The following ZBTB20 variants were observed in gnomAD, a reference collection of about 807,000 sequenced individuals.
ZBTB20 encodes zinc finger and BTB domain containing 20, also known as zinc finger and BTB domain-containing protein 20.
ZBTB20 carries 9 observed loss-of-function variants against 56.9 expected under a neutral mutation model. The ratio of observed to expected loss-of-function variants is 0.16; its 90% CI spans 0.10 to 0.28. The LOEUF (loss-of-function observed/expected upper bound fraction) is 0.28. Ranked by LOEUF, ZBTB20 falls within the 10% of genes least tolerant of loss-of-function variation. The pLI is 1.00. For missense variants in ZBTB20, 655 were observed against 1,003.0 expected (o/e 0.65, Z 4.69); for synonymous variants, 417 against 420.7 (o/e 0.99, Z 0.11).
chr3:115,006,875 C>G (rs1321588462), intron 2 of ZBTB20, among the ~76,000 whole-genome samples: 1 of 151,708 alleles, frequency 6.6e-6, no homozygotes, highest in East Asian at 2.0e-4. Context: ...ACTATTTGTT[C>G]CCTTAGATAT....
intron 4 of ZBTB20, among the ~76,000 whole-genome samples, chr3:114,811,891 A>G (rs1446448907): frequency 3.9e-5 from 6 of 152,166 alleles, no homozygotes; most frequent in Admixed American, 2.0e-4. Flanking sequence ...GGTCTCACTG[A>G]CTTCAAGAAT....
chr3:114,782,460 T>G (rs1306800960), intron 5 of ZBTB20, among the ~76,000 whole-genome samples: 1 of 152,198 alleles, frequency 6.6e-6, no homozygotes, highest in Non-Finnish European at 1.5e-5. Context: ...CTGATCTCTG[T>G]GCTGGGGATA....
intron 4 of ZBTB20, among the ~76,000 whole-genome samples, chr3:114,847,887 AC>A (rs2074796545): frequency 6.6e-6 from 1 of 152,192 alleles, no homozygotes; most frequent in African/African-American, 2.4e-5. Flanking sequence ...ATGTGAATTA[AC>A]TATATACATA....
chr3:114,642,816 T>C (rs2059628858), intron 6 of ZBTB20, among the ~76,000 whole-genome samples: 1 of 152,068 alleles, frequency 6.6e-6, no homozygotes, highest in African/African-American at 2.4e-5. Context: ...AAAAAGTGAA[T>C]ATGGCCCAGT....
At chr3:114,540,927 T>TA (rs979143907) in intron 6 of ZBTB20, among the ~76,000 whole-genome samples, 2 of 151,956 alleles carry the variant, frequency 1.3e-5, no homozygotes, top group African/African-American at 4.8e-5. Context: ...ACTGAGAAGC[T>TA]AAAAAAACAA....
At chr3:114,702,535 A>C (rs911812052) in intron 5 of ZBTB20, among the ~76,000 whole-genome samples, 4 of 152,138 alleles carry the variant, frequency 2.6e-5, no homozygotes, top group African/African-American at 9.7e-5. Context: ...CTAAACAGTA[A>C]ATATGTTACA....
intron 6 of ZBTB20, among the ~76,000 whole-genome samples, chr3:114,583,701 C>T (rs898253082): frequency 4.6e-5 from 7 of 152,042 alleles, no homozygotes; most frequent in South Asian, 2.1e-4. Context: ...AAATAAGAAA[C>T]GGCTTAGAAA....
chr3:115,118,247 T>C (rs1289879993), intron 1 of ZBTB20, among the ~76,000 whole-genome samples: 3 of 151,988 alleles, frequency 2.0e-5, no homozygotes, highest in African/African-American at 7.3e-5. Flanking sequence ...CAGGCTAGAG[T>C]GCAGTTGTGT....
intron 5 of ZBTB20, among the ~76,000 whole-genome samples, chr3:114,715,811 C>T (rs1433902608): frequency 6.6e-6 from 1 of 152,124 alleles, no homozygotes; most frequent in Non-Finnish European, 1.5e-5. Context: ...CTATAACATC[C>T]TTTATCCAAG....
At chr3:114,655,530 G>A (rs982397419) in intron 6 of ZBTB20, among the ~76,000 whole-genome samples, 5 of 152,066 alleles carry the variant, frequency 3.3e-5, no homozygotes, top group African/African-American at 1.2e-4. Context: ...GGGATTACAG[G>A]CGTGAGCCAC....
intron 6 of ZBTB20, among the ~76,000 whole-genome samples, chr3:114,595,689 G>T (rs906740450): frequency 1.3e-5 from 2 of 152,194 alleles, no homozygotes; most frequent in Non-Finnish European, 2.9e-5. Flanking sequence ...GCAAAGTCTT[G>T]CATGCTTATC....
At chr3:114,580,520 CATTTAAGAATTAGA>C (rs1463662165) in intron 6 of ZBTB20, among the ~76,000 whole-genome samples, 2 of 151,642 alleles carry the variant, frequency 1.3e-5, no homozygotes, top group African/African-American at 4.8e-5. Context: ...AAAAATTGAA[CATTTAAGAATTAGA>C]ATTTAAGAGA....
intron 7 of ZBTB20, among the ~76,000 whole-genome samples, chr3:114,448,222 G>A (rs952802903): frequency 2.0e-5 from 3 of 151,948 alleles, no homozygotes; most frequent in African/African-American, 7.2e-5. Context: ...CTGTGGCTTC[G>A]TAAGATTATG....
chr3:114,845,139 A>C (rs1238066171), intron 4 of ZBTB20, among the ~76,000 whole-genome samples: 2 of 151,818 alleles, frequency 1.3e-5, no homozygotes, highest in Non-Finnish European at 2.9e-5. Flanking sequence ...ATCATCTCCT[A>C]ACATACTACA....
intron 7 of ZBTB20, among the ~76,000 whole-genome samples, chr3:114,446,864 A>AC (rs2091304986): frequency 6.6e-6 from 1 of 152,198 alleles, no homozygotes. Flanking sequence ...TAAAGCCAAG[A>AC]CCAGTTCTAC....
At chr3:115,048,091 G>A (rs2081400507) in intron 2 of ZBTB20, among the ~76,000 whole-genome samples, 1 of 152,074 alleles carries the variant, frequency 6.6e-6, no homozygotes, top group South Asian at 2.1e-4. Context: ...CGGGCGTGGT[G>A]GCGGGCGCCT....
chr3:114,449,750 C>A (rs1020666462), intron 7 of ZBTB20, among the ~76,000 whole-genome samples: 1 of 151,414 alleles, frequency 6.6e-6, no homozygotes, highest in African/African-American at 2.4e-5. Context: ...TATTACAGGC[C>A]CACCTAGATT....
intron 2 of ZBTB20, among the ~76,000 whole-genome samples, chr3:115,040,618 A>G (rs1004157926): frequency 2.0e-5 from 3 of 152,106 alleles, no homozygotes; most frequent in Admixed American, 6.5e-5. Flanking sequence ...AAGAGTGAAA[A>G]TAAGACTGAC....
At chr3:114,510,850 C>T (rs77359140) in intron 6 of ZBTB20, among the ~76,000 whole-genome samples, 5,002 of 152,006 alleles carry the variant, frequency 0.033, 96 homozygotes, top group Middle Eastern at 0.078. Context: ...GGTAAAAGAC[C>T]GAGAGCTCCT....
Sources: allele counts gnomAD v4.1 joint callset (sites outside exome capture counted in the v4.1 genomes callset), GRCh38; gene constraint gnomAD v4.1.1; transcripts MANE v1.5; gene names NCBI Gene and HGNC (gene_info 2026-07-23, HGNC 2026-07-21).